Variants in ADH4 observed in about 807,000 individuals in gnomAD.
The protein encoded by ADH4 is alcohol dehydrogenase 4 (class II), pi polypeptide.
Under a neutral mutation model 35.2 loss-of-function variants are expected in ADH4, and 31 were observed. The ratio of observed to expected loss-of-function variants is 0.88; its 90% CI spans 0.66 to 1.19. ADH4 has a LOEUF of 1.19. Ranked by LOEUF, ADH4 falls within the 50% of genes most tolerant of loss-of-function variation. The pLI is 0.00. For missense variants in ADH4, 476 were observed against 458.3 expected (o/e 1.04, Z -0.35); for synonymous variants, 171 against 160.2 (o/e 1.07, Z -0.51).
chr4:99,141,894 G>A lies in ADH4; in HGVS notation c.121-212C>T, dbSNP rs1393565692. On this transcript the variant is annotated intron_variant, in intron 2 of 8. Coordinates refer to ENST00000265512, the MANE Select transcript of ADH4 (RefSeq NM_000670.5). ...GCATCTTTGTTTTCTACCTTTTGCT[G>A]TTGTCAGAAAATCATAAAAGAGATA... Among the ~76,000 whole-genome samples the A allele has an allele frequency of 2.0e-5, 3 of 152,092 alleles. No individual in the cohort carries two copies. In the East Asian group the frequency reaches 5.8e-4, roughly 29 times the overall value.
rs766061340 is a variant in ADH4 at position 99,142,694 on chromosome 4, A to C, written c.105T>G (p.His35Gln). The C allele has an allele frequency of 6.3e-7, 1 of 1,585,308 alleles. No individual in the cohort carries two copies. Among genetic ancestry groups the C allele is most frequent in the Admixed American group, 1.8e-5 (1 of 54,142 alleles). ...EEVEVAPPKAHEVRIQIIATS... is the reference protein window; with the variant it reads ...EEVEVAPPKAQEVRIQIIATS... ...CTCCACTTACCTGAATGCGAACTTCATGAGCCTTGGGGGGAGCTACTTCAA... is the reference window on the plus strand; with the variant it reads ...CTCCACTTACCTGAATGCGAACTTCCTGAGCCTTGGGGGGAGCTACTTCAA... The change falls in exon 2 of 9, where the codon CAT (histidine) becomes CAG (glutamine). Residue 35 changes from histidine (H) to glutamine (Q), a missense_variant. Transcript: ENST00000265512.
chr4:99,129,982 T>C (rs1462188950), intron 6 of ADH4, among the ~76,000 whole-genome samples: 1 of 152,204 alleles, frequency 6.6e-6, no homozygotes, highest in African/African-American at 2.4e-5. Context: ...GCAGTCACAC[T>C]ACCAGTTTTT....
chr4:99,132,597 GTCTTCTGTATA>G (rs1729320389), intron 5 of ADH4, among the ~76,000 whole-genome samples: 1 of 152,124 alleles, frequency 6.6e-6, no homozygotes, highest in African/African-American at 2.4e-5. Flanking sequence ...TTATGAAAGA[GTCTTCTGTATA>G]TTGAGTCTTT....
intron 2 of ADH4, among the ~76,000 whole-genome samples, chr4:99,142,296 C>T (rs371119695): frequency 6.6e-6 from 1 of 152,170 alleles, no homozygotes; most frequent in South Asian, 2.1e-4. Context: ...TAGGGCAGCA[C>T]GTCAGGTTTT....
intron 5 of ADH4, 35 bp downstream of exon 5, chr4:99,136,431 T>G (rs753054233): frequency 1.5e-5 from 23 of 1,571,080 alleles, no homozygotes; most frequent in Non-Finnish European, 1.9e-5. Flanking sequence ...TCCTAGTAAC[T>G]TCTGTTTTAC....
intron 5 of ADH4, among the ~76,000 whole-genome samples, chr4:99,134,710 A>G (rs1331941575): frequency 6.6e-6 from 1 of 151,954 alleles, no homozygotes; most frequent in Non-Finnish European, 1.5e-5. Context: ...ATTTTTTATT[A>G]ATGAGTAATT....
chr4:99,142,632 C>A, intron 2 of ADH4, 47 bp downstream of exon 2: 2 of 1,299,390 alleles, frequency 1.5e-6, no homozygotes, highest in South Asian at 1.9e-5. Context: ...AGCCAGGTCT[C>A]CACTTGGGGC....
chr4:99,130,528 G>C (rs1358980567), intron 6 of ADH4, among the ~76,000 whole-genome samples: 1 of 152,116 alleles, frequency 6.6e-6, no homozygotes, highest in African/African-American at 2.4e-5. Flanking sequence ...AGAAACTTTT[G>C]GTGGGAGAGT....
intron 3 of ADH4, among the ~76,000 whole-genome samples, chr4:99,139,886 T>C (rs781019769): frequency 2.0e-5 from 3 of 152,162 alleles, no homozygotes; most frequent in Admixed American, 6.5e-5. Context: ...GACTCCTTCA[T>C]TGACACAAAA....
Position 99,126,662 on chromosome 4 carries a change from T to C in ADH4, c.1050A>G (p.Ala350=). Reference sequence around the variant, plus strand: ...CAAAAGGCAGGGTATGGGTCACCAGTGCATCCAGATTGAATTTCTTATTCT... The same window carrying C: ...CAAAAGGCAGGGTATGGGTCACCAGCGCATCCAGATTGAATTTCTTATTCT... The part of the protein sequence containing the change: ...DYKNKKFNLD[A]LVTHTLPFDK... Residue 350 remains alanine (A), a synonymous_variant, in exon 8 of 9, where the codon GCA becomes GCG. Coordinates refer to ENST00000265512, the MANE Select transcript of ADH4 (RefSeq NM_000670.5). The C allele has an allele frequency of 6.2e-7, 1 of 1,612,194 alleles. No homozygotes were observed. The highest frequency in any genetic ancestry group is 1.3e-5 in the African/African-American group (1 of 75,050).
At chr4:99,125,526 A>T (rs1729060280) in intron 8 of ADH4, among the ~76,000 whole-genome samples, 1 of 152,210 alleles carries the variant, frequency 6.6e-6, no homozygotes, top group Non-Finnish European at 1.5e-5. Flanking sequence ...CTCAAACCCC[A>T]CTTCAACTTC....
Position 99,127,358 on chromosome 4 carries a change from T to G in ADH4, c.844-14A>C. On this transcript the variant is annotated splice_polypyrimidine_tract_variant and intron_variant, in intron 6 of 8. Coordinates refer to ENST00000265512, the MANE Select transcript of ADH4 (RefSeq NM_000670.5). ...CAGGGCTGCTTTCTGTGATGGAGCA[T>G]AAAAGAATACTTGAGTCAGTGGAAA... 2 of 1,576,390 alleles carry G rather than the reference T, an allele frequency of 1.3e-6. No individual in the cohort carries two copies. The highest frequency in any genetic ancestry group is 1.7e-6 in the Non-Finnish European group (2 of 1,162,924).
chr4:99,137,834 T>C (rs1729494836), intron 4 of ADH4, among the ~76,000 whole-genome samples: 1 of 152,236 alleles, frequency 6.6e-6, no homozygotes, highest in South Asian at 2.1e-4. Flanking sequence ...CGATTTCATC[T>C]GTAAAAACAT....
At chr4:99,137,511 T>C (rs13108999) in intron 4 of ADH4, among the ~76,000 whole-genome samples, 31,993 of 152,026 alleles carry the variant, frequency 0.21, 4,041 homozygotes, top group Non-Finnish European at 0.29. Context: ...ATCTGCCAGC[T>C]TTGGCCTCCC....
chr4:99,131,646 T>TCACTTCAACAAAA lies in ADH4; in HGVS notation c.700_701insTTTTGTTGAAGTG (p.Lys234IlefsTer5). ...TCCCAGGGCTTTAGCCTTCACAAAC[T>TCACTTCAACAAAA]TCTCACTGTTGATGTCAATACCTAT... On this transcript the variant is annotated stop_gained and frameshift_variant, in exon 6 of 9. Transcript: ENST00000265512. LOFTEE classifies it high-confidence loss of function. 6.2e-7 allele frequency: 1 copy of TCACTTCAACAAAA among 1,614,140 alleles called. No individual in the cohort carries two copies. The highest frequency in any genetic ancestry group is 1.3e-5 in the African/African-American group (1 of 75,034).
intron 3 of ADH4, 78 bp downstream of exon 3, chr4:99,141,463 A>G (rs1729613602): frequency 2.1e-6 from 3 of 1,395,626 alleles, no homozygotes; most frequent in Non-Finnish European, 2.9e-6. Context: ...CAATTATAGC[A>G]TGCCAAGCCA....
At position 99,127,284 on chromosome 4, in the gene ADH4, C is replaced by A. The variant is rs1407000999; in HGVS notation, c.904G>T (p.Ala302Ser). ...AAAATAGTCAATCCTTTGCTACCAGCAGCTACTCCAATGAAAGTACATGAT... is the reference window on the plus strand; with the variant it reads ...AAAATAGTCAATCCTTTGCTACCAGAAGCTACTCCAATGAAAGTACATGAT... ...WGSCTFIGVA[A>S]GSKGLTIFPE... Residue 302 changes from alanine to serine, a missense_variant, in exon 7 of 9, where the codon GCT becomes TCT. Transcript: ENST00000265512. 5.6e-6 allele frequency: 9 copies of A among 1,612,468 alleles called. No individual in the cohort carries two copies. Among genetic ancestry groups the A allele is most frequent in the Admixed American group, 1.7e-5 (1 of 59,886 alleles).
chr4:99,126,646 G>A lies in ADH4; in HGVS notation c.1066C>T (p.Leu356=). The stretch of plus-strand genomic sequence containing the variant: ...GCCTCACTGATTTTGTCAAAAGGCA[G>A]GGTATGGGTCACCAGTGCATCCAGA... ...FNLDALVTHT[L]PFDKISEAFD... Residue 356 remains leucine, a synonymous_variant, in exon 8 of 9, where the codon CTG becomes TTG. Transcript: ENST00000265512. 2 of 1,611,550 alleles carry A rather than the reference G, an allele frequency of 1.2e-6. No homozygotes were observed. The highest frequency in any genetic ancestry group is 2.7e-5 in the African/African-American group (2 of 75,010).
intron 8 of ADH4, 110 bp from the exon 9 acceptor site, chr4:99,124,576 C>G: frequency 1.6e-6 from 1 of 643,788 alleles, no homozygotes; most frequent in Non-Finnish European, 2.6e-6. Flanking sequence ...CCTTTATAGA[C>G]ATTCACTTTA....
Sources: gnomAD v4.1 joint callset for allele counts (sites outside exome capture counted in the v4.1 genomes callset) on GRCh38, gnomAD v4.1.1 for gene constraint, MANE v1.5 for transcripts, NCBI Gene and HGNC (gene_info 2026-07-23, HGNC 2026-07-21) for gene names.